Variants in FRYL observed in about 807,000 individuals in gnomAD.
FRYL encodes the protein FRY like transcription coactivator.
In FRYL, 150 loss-of-function variants were observed where a neutral mutation model predicts 351.2. That is an observed-to-expected ratio of 0.43 (90% CI 0.37 to 0.49). The LOEUF is 0.49. Ranked by LOEUF, FRYL falls within the 20% of genes least tolerant of loss-of-function variation. FRYL has a pLI of 0.00. For missense variants in FRYL, 3,036 were observed against 3,619.3 expected (o/e 0.84, Z 4.13); for synonymous variants, 1,153 against 1,257.1 (o/e 0.92, Z 1.75).
Position 48,605,804 on chromosome 4 carries a change from T to C in FRYL, c.771A>G (p.Lys257=). 6.2e-7 allele frequency: 1 copy of C among 1,605,102 alleles called. No individual in the cohort carries two copies. ...CAAGTGCATGTTTTATATCTTTATCTTTCACTTCTAAGAAATACTGAGCAC... is the reference window on the plus strand; with the variant it reads ...CAAGTGCATGTTTTATATCTTTATCCTTCACTTCTAAGAAATACTGAGCAC... ...QECAQYFLEV[K]DKDIKHALAG... Residue 257 remains lysine, a synonymous_variant, in exon 11 of 64, where the codon AAA becomes AAG. Coordinates refer to ENST00000358350, the MANE Select transcript of FRYL (RefSeq NM_015030.2).
At chr4:48,772,350 C>A (rs1369056867) in intron 1 of FRYL, among the ~76,000 whole-genome samples, 2 of 152,108 alleles carry the variant, frequency 1.3e-5, no homozygotes, top group Non-Finnish European at 2.9e-5. Context: ...TGCACCACTG[C>A]ACTCCAGCCT....
chr4:48,721,181 C>A (rs1467594179), intron 1 of FRYL, among the ~76,000 whole-genome samples: 1 of 152,040 alleles, frequency 6.6e-6, no homozygotes, highest in South Asian at 2.1e-4. Flanking sequence ...GTTTTATATA[C>A]TTATTTAATT....
rs1740335802 is a variant in FRYL at position 48,579,269 on chromosome 4, T to C, written c.2260-28A>G. 4 of 1,544,014 alleles carry C rather than the reference T, an allele frequency of 2.6e-6. No individual in the cohort carries two copies. The African/African-American group carries it at 5.6e-5, about 21-fold the overall frequency. ...ATATGGAGAGGAAAAAATTGATTATTACACATTTCAATAACTTTGAAATTT... is the reference window on the plus strand; with the variant it reads ...ATATGGAGAGGAAAAAATTGATTATCACACATTTCAATAACTTTGAAATTT... On this transcript the variant is annotated intron_variant, in intron 22 of 63. Coordinates refer to ENST00000358350, the MANE Select transcript of FRYL (RefSeq NM_015030.2).
chr4:48,698,976 C>A (rs976697439), intron 2 of FRYL, among the ~76,000 whole-genome samples: 11 of 152,050 alleles, frequency 7.2e-5, no homozygotes, highest in Admixed American at 7.2e-4. Flanking sequence ...GACTAATTAC[C>A]GAGAGCCTAC....
At chr4:48,585,788 G>A (rs1196852521) in intron 19 of FRYL, among the ~76,000 whole-genome samples, 1 of 152,136 alleles carries the variant, frequency 6.6e-6, no homozygotes, top group African/African-American at 2.4e-5. Flanking sequence ...GTGCAATGAG[G>A]ATATCTATCA....
intron 5 of FRYL, among the ~76,000 whole-genome samples, chr4:48,622,140 A>G (rs1750770615): frequency 6.6e-6 from 1 of 152,172 alleles, no homozygotes; most frequent in South Asian, 2.1e-4. Context: ...ACAATCATTT[A>G]TAGTTTATTA....
intron 61 of FRYL, 111 bp downstream of exon 61, chr4:48,502,717 G>C: frequency 1.3e-6 from 1 of 786,646 alleles, no homozygotes; most frequent in Non-Finnish European, 2.1e-6. Context: ...CATACTACTT[G>C]TAAAGTAGTC....
chr4:48,599,521 G>A (rs1269492426), intron 13 of FRYL, among the ~76,000 whole-genome samples: 1 of 152,144 alleles, frequency 6.6e-6, no homozygotes, highest in Non-Finnish European at 1.5e-5. Context: ...TTATTCTTAT[G>A]ACTAGAGAGT....
At chr4:48,743,704 T>G (rs1039845471) in intron 1 of FRYL, among the ~76,000 whole-genome samples, 2 of 152,212 alleles carry the variant, frequency 1.3e-5, no homozygotes, top group African/African-American at 4.8e-5. Flanking sequence ...GATTAACACT[T>G]AAATCAGTAG....
At chr4:48,774,609 G>T (rs182480012) in intron 1 of FRYL, among the ~76,000 whole-genome samples, 1 of 151,286 alleles carries the variant, frequency 6.6e-6, no homozygotes, top group African/African-American at 2.4e-5. Context: ...ACAGTGGCGT[G>T]ATCTCGGCTC....
rs769085991 is a variant in FRYL, at chr4:48,499,413, T to C, written c.*9A>G. 5 of 1,613,364 alleles carry C rather than the reference T, an allele frequency of 3.1e-6. No individual in the cohort carries two copies. Among genetic ancestry groups the C allele is most frequent in the South Asian group, 1.1e-5 (1 of 91,032 alleles). On this transcript the variant is annotated 3_prime_UTR_variant, in exon 64 of 64. Coordinates refer to ENST00000358350, the MANE Select transcript of FRYL (RefSeq NM_015030.2). Reference sequence around the variant, plus strand: ...CAGTTTAGTTTCTTTCCTAAAGGCCTGAAGTGTCTCAGAATCCAGTGCTCA... The same window carrying C: ...CAGTTTAGTTTCTTTCCTAAAGGCCCGAAGTGTCTCAGAATCCAGTGCTCA...
Position 48,570,932 on chromosome 4 carries a change from A to C in FRYL, c.2905-14T>G, listed in dbSNP as rs564990426. The C allele has an allele frequency of 2.9e-4, 456 of 1,587,392 alleles. 6 individuals carry two copies. In the South Asian group the frequency reaches 4.8e-3, roughly 17 times the overall value. On this transcript the variant is annotated splice_polypyrimidine_tract_variant and intron_variant, in intron 26 of 63. Transcript: ENST00000358350. Reference sequence around the variant, plus strand: ...CCGTTTCATATTCTATTCCAAAGATACAAACACATTAATTAAAATCCTGCT... The same window carrying C: ...CCGTTTCATATTCTATTCCAAAGATCCAAACACATTAATTAAAATCCTGCT...
At chr4:48,707,793 A>C (rs1578782775) in intron 2 of FRYL, among the ~76,000 whole-genome samples, 1 of 151,900 alleles carries the variant, frequency 6.6e-6, no homozygotes, top group African/African-American at 2.4e-5. Context: ...CCTTCTCCCA[A>C]ATTTGTTTCA....
intron 3 of FRYL, among the ~76,000 whole-genome samples, chr4:48,643,804 G>A (rs1375789882): frequency 6.6e-6 from 1 of 152,036 alleles, no homozygotes; most frequent in Non-Finnish European, 1.5e-5. Context: ...TTCATACAGA[G>A]GAAAGGACAA....
chr4:48,544,826 T>A lies in FRYL; in HGVS notation c.5358A>T (p.Thr1786=). ...PSIKSAEQLT[T]FLKHVVSVFK... The stretch of plus-strand genomic sequence containing the variant: ...AAACAGAAACCACATGTTTCAAAAA[T>A]GTAGTTAACTGTTCAGCACTCTTTA... The change falls in exon 43 of 64, where the codon ACA becomes ACT. Residue 1786 remains threonine, a synonymous_variant. Transcript: ENST00000358350. 6.2e-7 allele frequency: 1 copy of A among 1,607,436 alleles called. No individual in the cohort carries two copies. The highest frequency in any genetic ancestry group is 8.5e-7 in the Non-Finnish European group (1 of 1,177,608).
At chr4:48,588,328 G>A (rs1180977053) in intron 18 of FRYL, among the ~76,000 whole-genome samples, 1 of 152,138 alleles carries the variant, frequency 6.6e-6, no homozygotes, top group Non-Finnish European at 1.5e-5. Context: ...TTAAATATAA[G>A]TTTGACTTTC....
At chr4:48,583,809 G>T (rs975220820) in intron 19 of FRYL, among the ~76,000 whole-genome samples, 2 of 151,830 alleles carry the variant, frequency 1.3e-5, no homozygotes, top group African/African-American at 4.8e-5. Flanking sequence ...GGAGGCCGAG[G>T]CAGGAGAATT....
Position 48,534,517 on chromosome 4 carries a change from GT to G in FRYL, c.6705+27del, listed in dbSNP as rs536115692. On this transcript the variant is annotated intron_variant, in intron 49 of 63. Transcript: ENST00000358350. ...TATAAATCATTTTTAGATGAAAAAT[GT>G]TATATGTAAGTTTTGTGGTCACTCA... 4.6e-3 allele frequency: 7,169 copies of G among 1,547,252 alleles called. 30 individuals are homozygous for G. The highest frequency in any genetic ancestry group is 5.6e-3 in the South Asian group (487 of 86,630).
intron 3 of FRYL, 115 bp from the exon 4 acceptor site, chr4:48,634,605 C>A: frequency 1.5e-6 from 1 of 646,774 alleles, no homozygotes; most frequent in Non-Finnish European, 2.6e-6. Context: ...TTCTCCCAAT[C>A]TCCTCTACCA....
Sources: gnomAD v4.1 joint callset for allele counts (sites outside exome capture counted in the v4.1 genomes callset) on GRCh38, gnomAD v4.1.1 for gene constraint, MANE v1.5 for transcripts, NCBI Gene and HGNC (gene_info 2026-07-23, HGNC 2026-07-21) for gene names.